PDE3A: variants seen among roughly 807,000 people sequenced by gnomAD.
PDE3A encodes the protein phosphodiesterase 3A.
Under a neutral mutation model 98.3 loss-of-function variants are expected in PDE3A, and 43 were observed. The observed-to-expected ratio is 0.44, with a 90% CI of 0.34 to 0.56. PDE3A has a LOEUF of 0.56. PDE3A is among the 20% of genes least tolerant of loss of function. The pLI, the probability that PDE3A is intolerant of heterozygous loss-of-function variation, is 0.01. For missense variants in PDE3A, 1,427 were observed against 1,440.7 expected (o/e 0.99, Z 0.15); for synonymous variants, 663 against 567.9 (o/e 1.17, Z -2.38).
chr12:20,446,277 T>C (rs1944951968), intron 1 of PDE3A, among the ~76,000 whole-genome samples: 1 of 152,198 alleles, frequency 6.6e-6, no homozygotes, highest in Non-Finnish European at 1.5e-5. Context: ...CCCTCTCTAG[T>C]AAAATAAAAA....
chr12:20,421,827 A>G (rs1944516799), intron 1 of PDE3A, among the ~76,000 whole-genome samples: 3 of 152,144 alleles, frequency 2.0e-5, no homozygotes, highest in Admixed American at 2.0e-4. Flanking sequence ...ATTGGTAATG[A>G]GCAATGTAAA....
At chr12:20,617,504 T>C (rs993485188) in intron 4 of PDE3A, among the ~76,000 whole-genome samples, 3 of 152,074 alleles carry the variant, frequency 2.0e-5, no homozygotes, top group Non-Finnish European at 4.4e-5. Flanking sequence ...TTCCTGACGG[T>C]TGAAATTAAT....
At chr12:20,481,341 GA>G (rs1945621695) in intron 1 of PDE3A, among the ~76,000 whole-genome samples, 2 of 152,170 alleles carry the variant, frequency 1.3e-5, no homozygotes, top group African/African-American at 4.8e-5. Context: ...ATTGGTGAAT[GA>G]ATGTCTGAAT....
intron 10 of PDE3A, among the ~76,000 whole-genome samples, 179 bp from the exon 11 acceptor site, chr12:20,646,311 C>T (rs563064884): frequency 2.6e-5 from 4 of 152,150 alleles, no homozygotes; most frequent in East Asian, 1.9e-4. Context: ...TTTCTTGTTA[C>T]GATGGATGTT....
intron 1 of PDE3A, among the ~76,000 whole-genome samples, chr12:20,410,857 G>T (rs1944320277): frequency 6.6e-6 from 1 of 152,138 alleles, no homozygotes; most frequent in Non-Finnish European, 1.5e-5. Flanking sequence ...CCCTGAAATG[G>T]TGGCACTAAA....
intron 1 of PDE3A, among the ~76,000 whole-genome samples, chr12:20,455,412 G>A (rs1421578963): frequency 6.6e-6 from 1 of 152,118 alleles, no homozygotes; most frequent in Non-Finnish European, 1.5e-5. Context: ...TAGATTGTCT[G>A]TTTACTCTGT....
At chr12:20,491,289 A>C (rs989165084) in intron 1 of PDE3A, among the ~76,000 whole-genome samples, 14 of 152,216 alleles carry the variant, frequency 9.2e-5, no homozygotes, top group African/African-American at 3.1e-4. Flanking sequence ...GGGAAGTCAC[A>C]GAAACAGGCA....
chr12:20,586,968 A>G (rs550286106), intron 2 of PDE3A, among the ~76,000 whole-genome samples: 1 of 152,016 alleles, frequency 6.6e-6, no homozygotes, highest in African/African-American at 2.4e-5. Flanking sequence ...AGGCCATTTT[A>G]CTCTTTGCTG....
At chr12:20,514,179 T>C (rs1946275535) in intron 1 of PDE3A, among the ~76,000 whole-genome samples, 1 of 152,238 alleles carries the variant, frequency 6.6e-6, no homozygotes, top group Non-Finnish European at 1.5e-5. Flanking sequence ...TATCAAAATT[T>C]GCAAGGCATA....
intron 1 of PDE3A, among the ~76,000 whole-genome samples, chr12:20,502,809 G>A (rs1946046766): frequency 6.6e-6 from 1 of 152,104 alleles, no homozygotes; most frequent in Admixed American, 6.6e-5. Context: ...AGTGCTTAGG[G>A]ACACTTCGGG....
intron 1 of PDE3A, among the ~76,000 whole-genome samples, chr12:20,400,220 G>A (rs1311534074): frequency 6.6e-6 from 1 of 151,896 alleles, no homozygotes; most frequent in Non-Finnish European, 1.5e-5. Context: ...ATTTTTAAAA[G>A]TACGGAGCTG....
chr12:20,545,165 A>AATG (rs1942017320), intron 1 of PDE3A, among the ~76,000 whole-genome samples: 1 of 152,084 alleles, frequency 6.6e-6, no homozygotes, highest in Non-Finnish European at 1.5e-5. Flanking sequence ...CAGATGTATT[A>AATG]AATGAAAATA....
intron 1 of PDE3A, among the ~76,000 whole-genome samples, chr12:20,380,038 G>A (rs1024527954): frequency 2.0e-5 from 3 of 151,702 alleles, no homozygotes; most frequent in African/African-American, 7.3e-5. Context: ...AATAAATTGA[G>A]AGAGAACAAA....
intron 1 of PDE3A, among the ~76,000 whole-genome samples, chr12:20,494,795 A>C (rs142086268): frequency 6.6e-6 from 1 of 152,220 alleles, no homozygotes; most frequent in East Asian, 1.9e-4. Flanking sequence ...ATTTAGGCTT[A>C]ATAAAAAGGT....
chr12:20,478,679 T>C (rs1466342473), intron 1 of PDE3A, among the ~76,000 whole-genome samples: 1 of 152,212 alleles, frequency 6.6e-6, no homozygotes, highest in Non-Finnish European at 1.5e-5. Context: ...TCCACCTGTT[T>C]TGAAATATAA....
chr12:20,617,074 A>G (rs11610456), intron 4 of PDE3A, among the ~76,000 whole-genome samples: 5,775 of 152,290 alleles, frequency 0.038, 150 homozygotes, highest in Non-Finnish European at 0.057. Flanking sequence ...ATTCAAATTC[A>G]TTAATTGTGA....
At chr12:20,652,848 G>A (rs552374788) in intron 14 of PDE3A, among the ~76,000 whole-genome samples, 4 of 152,310 alleles carry the variant, frequency 2.6e-5, no homozygotes, top group African/African-American at 7.2e-5. Flanking sequence ...AAACTAAAGA[G>A]CTTCTGCACA....
chr12:20,530,255 C>A (rs925110791), intron 1 of PDE3A, among the ~76,000 whole-genome samples: 2 of 152,100 alleles, frequency 1.3e-5, no homozygotes, highest in African/African-American at 4.8e-5. Context: ...TAGCTGATAA[C>A]ACTCAAATTA....
At chr12:20,674,016 G>C (rs1945567714) in intron 15 of PDE3A, among the ~76,000 whole-genome samples, 1 of 151,918 alleles carries the variant, frequency 6.6e-6, no homozygotes, top group Admixed American at 6.6e-5. Flanking sequence ...GATTTTTGTA[G>C]TTTTCCATGT....
Sources: gnomAD v4.1 joint callset for allele counts (sites outside exome capture counted in the v4.1 genomes callset) on GRCh38, gnomAD v4.1.1 for gene constraint, MANE v1.5 for transcripts, NCBI Gene and HGNC (gene_info 2026-07-23, HGNC 2026-07-21) for gene names.